DNAH6: variants seen among roughly 807,000 people sequenced by gnomAD.
The protein encoded by DNAH6 is dynein axonemal heavy chain 6, also known as axonemal beta dynein heavy chain 6.
Under a neutral mutation model 491.4 loss-of-function variants are expected in DNAH6, and 340 were observed. That is an observed-to-expected ratio of 0.69 (90% confidence interval 0.63 to 0.76). DNAH6 has a LOEUF of 0.76. DNAH6 is among the 30% of genes least tolerant of loss of function. DNAH6 has a pLI of 0.00. For missense variants in DNAH6, 4,443 were observed against 4,972.2 expected, an observed-to-expected ratio of 0.89 and a Z score of 3.20; for synonymous variants, 1,603 against 1,686.1, an observed-to-expected ratio of 0.95 and a Z score of 1.21.
the DNAH6 span, among the ~76,000 whole-genome samples, chr2:84,486,753 AC>A: frequency 8.8e-4 from 134 of 152,276 alleles, 4 homozygotes; most frequent in East Asian, 0.025. Context: ...TTATTTCACC[AC>A]ATATGCAATA....
rs555372677 is a variant in DNAH6, at chr2:84,561,647, C to T, written c.1803+3712C>T. ...AAATTTTCACAACCTGCTCATCTGA[C>T]AAAGGGCTAATATCCAGAATCTACA... On this transcript the variant is annotated intron_variant, in intron 11 of 76. Coordinates refer to ENST00000389394, the MANE Select transcript of DNAH6 (RefSeq NM_001370.2). Among the ~76,000 whole-genome samples the T allele has an allele frequency of 3.3e-5, 5 of 152,234 alleles. No homozygotes were observed. The South Asian group carries it at 8.3e-4, about 25-fold the overall frequency.
intron 1 of DNAH6, 72 bp downstream of exon 1, chr2:84,516,655 G>A (rs968956459): frequency 6.6e-6 from 1 of 152,228 alleles, no homozygotes; most frequent in Non-Finnish European, 1.5e-5. Flanking sequence ...GACTTTCGGA[G>A]AACATAAAGG....
At chr2:84,558,368 G>A (rs1343363749) in intron 11 of DNAH6, among the ~76,000 whole-genome samples, 1 of 151,038 alleles carries the variant, frequency 6.6e-6, no homozygotes, top group Non-Finnish European at 1.5e-5. Flanking sequence ...AACTTGCAGT[G>A]AGCCGAGATC....
chr2:84,813,930 A>G (rs1680245586), intron 74 of DNAH6, 41 bp from the exon 75 acceptor site: 1 of 1,546,366 alleles, frequency 6.5e-7, no homozygotes, highest in East Asian at 2.4e-5. Context: ...GGGGAGTAGC[A>G]GTGTTGTTTG....
At chr2:84,664,895 T>G (rs1010981233) in intron 37 of DNAH6, among the ~76,000 whole-genome samples, 1 of 152,222 alleles carries the variant, frequency 6.6e-6, no homozygotes, top group Non-Finnish European at 1.5e-5. Flanking sequence ...TGTAACAAAC[T>G]GTCTCTCAGA....
the DNAH6 span, among the ~76,000 whole-genome samples, chr2:84,476,272 G>T: frequency 6.6e-6 from 1 of 152,182 alleles, no homozygotes; most frequent in African/African-American, 2.4e-5. Flanking sequence ...CTGGACTATA[G>T]TTACGGGAAA....
chr2:84,469,073 A>T, the DNAH6 span, among the ~76,000 whole-genome samples: 3 of 152,342 alleles, frequency 2.0e-5, no homozygotes, highest in East Asian at 5.8e-4. The surrounding 1 kb of genome is among the most constrained non-coding windows in gnomAD (Gnocchi z 4.0). Flanking sequence ...ACAAATTCAT[A>T]GCACAAAATA....
At chr2:84,651,909 A>G (rs1434203898) in intron 33 of DNAH6, among the ~76,000 whole-genome samples, 1 of 151,380 alleles carries the variant, frequency 6.6e-6, no homozygotes, top group Non-Finnish European at 1.5e-5. Flanking sequence ...TCAATTCGTT[A>G]TATATCTTGA....
chr2:84,724,334 C>G (rs961587956), intron 60 of DNAH6, among the ~76,000 whole-genome samples: 1 of 152,214 alleles, frequency 6.6e-6, no homozygotes, highest in African/African-American at 2.4e-5. Flanking sequence ...GTTTTCAAAA[C>G]ACTGTTCCAC....
chr2:84,518,106 T>C lies in DNAH6; in HGVS notation c.225+55T>C, dbSNP rs2104398178. ...TGTAGCCACAGAGGAAGTTGTAAAATTGCTTTGGAGGATAGAAGTCATGTC... is the reference window on the plus strand; with the variant it reads ...TGTAGCCACAGAGGAAGTTGTAAAACTGCTTTGGAGGATAGAAGTCATGTC... On this transcript the variant is annotated intron_variant, in intron 2 of 76. Coordinates refer to ENST00000389394, the MANE Select transcript of DNAH6 (RefSeq NM_001370.2). 2.2e-6 allele frequency: 3 copies of C among 1,388,672 alleles called. No homozygotes were observed. The South Asian group carries it at 4.2e-5, about 19-fold the overall frequency. 86.0% of individuals were successfully genotyped at this position (1,388,672 alleles called of 1,614,324 possible).
intron 33 of DNAH6, among the ~76,000 whole-genome samples, chr2:84,651,520 C>G (rs947635323): frequency 6.6e-6 from 1 of 151,904 alleles, no homozygotes; most frequent in Non-Finnish European, 1.5e-5. Flanking sequence ...TAAAAGTTTT[C>G]TGTCTTGCTG....
intron 2 of DNAH6, among the ~76,000 whole-genome samples, chr2:84,519,075 T>TCAG (rs1349691080): frequency 6.6e-6 from 1 of 151,936 alleles, no homozygotes; most frequent in East Asian, 2.0e-4. Context: ...GCACATGGAC[T>TCAG]ATGGTAGAGA....
chr2:84,765,268 A>G (rs1266829508), intron 64 of DNAH6, among the ~76,000 whole-genome samples: 1 of 152,146 alleles, frequency 6.6e-6, no homozygotes, highest in East Asian at 1.9e-4. Flanking sequence ...GAAGTAAACA[A>G]GGAAAGGCAG....
chr2:84,550,425 C>T (rs1679222398), intron 9 of DNAH6, among the ~76,000 whole-genome samples: 1 of 152,186 alleles, frequency 6.6e-6, no homozygotes, highest in African/African-American at 2.4e-5. Context: ...AATGCTCACC[C>T]TCTGCTCACC....
At chr2:84,532,328 G>T (rs1204034528) in intron 4 of DNAH6, among the ~76,000 whole-genome samples, 2 of 152,128 alleles carry the variant, frequency 1.3e-5, no homozygotes, top group Non-Finnish European at 2.9e-5. Context: ...ATCATGGTTT[G>T]TTATCATTAT....
intron 4 of DNAH6, among the ~76,000 whole-genome samples, chr2:84,542,828 A>G (rs1452998645): frequency 6.6e-6 from 1 of 152,022 alleles, no homozygotes; most frequent in Non-Finnish European, 1.5e-5. Flanking sequence ...TCCATACAAC[A>G]TTTTCAGGGA....
chr2:84,581,069 G>A (rs554030795), intron 14 of DNAH6, among the ~76,000 whole-genome samples: 1 of 152,320 alleles, frequency 6.6e-6, no homozygotes, highest in Admixed American at 6.5e-5. Flanking sequence ...CAGCAAGAAA[G>A]AGATAATCTC....
chr2:84,612,903 C>T (rs1410324157), intron 22 of DNAH6, among the ~76,000 whole-genome samples: 1 of 151,990 alleles, frequency 6.6e-6, no homozygotes, highest in Non-Finnish European at 1.5e-5. Flanking sequence ...GTCTACTGCA[C>T]TCACTTGTCA....
Position 84,802,231 on chromosome 2 carries a change from G to T in DNAH6, c.11482-3434G>T, listed in dbSNP as rs1424958878. Among the ~76,000 whole-genome samples, 35 of 152,128 alleles carry T rather than the reference G, an allele frequency of 2.3e-4. 2 individuals carry two copies. Among genetic ancestry groups the T allele is most frequent in the Admixed American group, 2.3e-3 (35 of 15,284 alleles). ...ATCAATATTAACCTTGAACATAAAT[G>T]ACCTAAACATTCCACTTAAAAGATA... is the stretch of plus-strand genomic sequence containing the variant. On this transcript the variant is annotated intron_variant, in intron 70 of 76. Transcript: ENST00000389394.
Sources: gnomAD v4.1 joint callset for allele counts (sites outside exome capture counted in the v4.1 genomes callset) on GRCh38, gnomAD v4.1.1 for gene constraint, Gnocchi (gnomAD v3.1) non-coding constraint, MANE v1.5 for transcripts, NCBI Gene and HGNC (gene_info 2026-07-23, HGNC 2026-07-21) for gene names.